The following CSTPP1 variants were observed in gnomAD, a reference collection of about 807,000 sequenced individuals.
The protein encoded by CSTPP1 is UPF0705 protein C11orf49.
the CSTPP1 span, among the ~76,000 whole-genome samples, chr11:47,038,333 C>T: frequency 1.1e-5 from 1 of 94,026 alleles, no homozygotes; most frequent in Admixed American, 1.1e-4. Flanking sequence ...GGGGGGCTGA[C>T]CCCCCACCTC....
chr11:47,034,105 T>C, the CSTPP1 span, among the ~76,000 whole-genome samples: 1 of 150,738 alleles, frequency 6.6e-6, no homozygotes, highest in African/African-American at 2.4e-5. Flanking sequence ...ATAATAAAAA[T>C]ATATATATAT....
chr11:46,976,652 G>A, the CSTPP1 span, among the ~76,000 whole-genome samples: 12 of 152,236 alleles, frequency 7.9e-5, 1 homozygote, highest in South Asian at 2.5e-3. Context: ...CACAGAATAG[G>A]TATTTGGTAA....
At chr11:47,072,686 TAC>T in the CSTPP1 span, among the ~76,000 whole-genome samples, 1 of 151,412 alleles carries the variant, frequency 6.6e-6, no homozygotes, top group Non-Finnish European at 1.5e-5. Flanking sequence ...TATATATATA[TAC>T]ACACACACAT....
chr11:47,011,456 G>T, the CSTPP1 span, among the ~76,000 whole-genome samples: 1 of 152,218 alleles, frequency 6.6e-6, no homozygotes, highest in African/African-American at 2.4e-5. Context: ...TCTCCCTTCA[G>T]TACCCATGTG....
At chr11:47,151,730 GA>G in the CSTPP1 span, among the ~76,000 whole-genome samples, 1 of 150,820 alleles carries the variant, frequency 6.6e-6, no homozygotes, top group Non-Finnish European at 1.5e-5. Flanking sequence ...TCTTGCAGTT[GA>G]AAAAAAACCC....
At chr11:47,049,782 G>T in the CSTPP1 span, among the ~76,000 whole-genome samples, 2 of 151,764 alleles carry the variant, frequency 1.3e-5, no homozygotes, top group Non-Finnish European at 2.9e-5. Context: ...GCACCACCAT[G>T]CCTGGCTGAT....
the CSTPP1 span, among the ~76,000 whole-genome samples, chr11:47,162,932 C>A: frequency 6.6e-6 from 1 of 152,174 alleles, no homozygotes; most frequent in Non-Finnish European, 1.5e-5. Flanking sequence ...GTAATCCCAG[C>A]ACTTTGGGAG....
the CSTPP1 span, among the ~76,000 whole-genome samples, chr11:47,141,517 G>A: frequency 1.3e-5 from 2 of 152,004 alleles, no homozygotes; most frequent in East Asian, 1.9e-4. Context: ...TGAGGTGGGA[G>A]AATTGCTTGA....
the CSTPP1 span, among the ~76,000 whole-genome samples, chr11:47,163,055 G>C: frequency 6.6e-6 from 1 of 151,808 alleles, no homozygotes; most frequent in Non-Finnish European, 1.5e-5. Flanking sequence ...TGCACCTGTA[G>C]TCCCAGCTAC....
the CSTPP1 span, chr11:47,023,410 A>T: frequency 6.5e-6 from 1 of 154,370 alleles, no homozygotes; most frequent in Non-Finnish European, 1.5e-5. Flanking sequence ...TATCCTGGGG[A>T]CTGGAAGAGT....
At chr11:47,123,590 G>A in the CSTPP1 span, among the ~76,000 whole-genome samples, 2 of 152,144 alleles carry the variant, frequency 1.3e-5, no homozygotes, top group African/African-American at 4.8e-5. Context: ...TTGCTCTCTT[G>A]GAGCTTCTGT....
chr11:47,029,580 C>T, the CSTPP1 span, among the ~76,000 whole-genome samples: 42 of 151,032 alleles, frequency 2.8e-4, no homozygotes, highest in South Asian at 3.6e-3. Context: ...TGTGCCACTG[C>T]GCTCCAGCCT....
At chr11:47,070,259 A>G in the CSTPP1 span, among the ~76,000 whole-genome samples, 14 of 152,078 alleles carry the variant, frequency 9.2e-5, no homozygotes, top group African/African-American at 3.4e-4. Context: ...GGATGGATGG[A>G]GAGAGGGGGA....
the CSTPP1 span, among the ~76,000 whole-genome samples, chr11:47,036,727 G>T: frequency 2.4e-5 from 3 of 127,468 alleles, 1 homozygote; most frequent in African/African-American, 5.0e-5. Context: ...ACCCAGGCTG[G>T]AGTGCAGTGG....
chr11:47,011,320 A>C, the CSTPP1 span, among the ~76,000 whole-genome samples: 1,366 of 152,314 alleles, frequency 9.0e-3, 20 homozygotes, highest in African/African-American at 0.03. Flanking sequence ...TTGAAAGATG[A>C]ATGACGAGAA....
chr11:46,941,337 AT>A, the CSTPP1 span, among the ~76,000 whole-genome samples: 38 of 148,990 alleles, frequency 2.6e-4, 1 homozygote, highest in South Asian at 1.5e-3. Flanking sequence ...TTCACCCTCA[AT>A]TTTTTTTTTC....
At chr11:47,140,596 ATT>A in the CSTPP1 span, among the ~76,000 whole-genome samples, 3 of 143,262 alleles carry the variant, frequency 2.1e-5, no homozygotes, top group Non-Finnish European at 3.1e-5. Flanking sequence ...TGCCCGGCTA[ATT>A]TTTTTTTTTT....
At chr11:46,991,189 G>T in the CSTPP1 span, among the ~76,000 whole-genome samples, 1 of 138,204 alleles carries the variant, frequency 7.2e-6, no homozygotes. Flanking sequence ...CATCTTTCTT[G>T]AACATAGTTT....
the CSTPP1 span, among the ~76,000 whole-genome samples, chr11:46,962,846 C>T: frequency 5.9e-5 from 9 of 152,016 alleles, no homozygotes; most frequent in African/African-American, 9.7e-5. Context: ...CCCAGCTATT[C>T]AGGAAGCTAA....
Sources: gnomAD v4.1 joint callset for allele counts (sites outside exome capture counted in the v4.1 genomes callset) on GRCh38, gnomAD v4.1.1 for gene constraint, MANE v1.5 for transcripts, NCBI Gene and HGNC (gene_info 2026-07-23, HGNC 2026-07-21) for gene names.